CREB5: variants seen among roughly 807,000 people sequenced by gnomAD.
The protein encoded by CREB5 is cyclic AMP-responsive element-binding protein 5.
CREB5 carries 19 observed loss-of-function variants against 57.1 expected under a neutral mutation model. The ratio of observed to expected loss-of-function variants is 0.33; its 90% CI spans 0.23 to 0.49. The LOEUF (loss-of-function observed/expected upper bound fraction) is 0.49. Among genes scored for constraint, CREB5 ranks in the 20% least tolerant of loss-of-function variants. CREB5 has a pLI of 0.99. For synonymous variants in CREB5, 238 were observed against 238.3 expected (o/e 1.00, Z 0.01); for missense variants, 579 against 671.6 (o/e 0.86, Z 1.52).
chr7:28,365,820 G>A (rs1233591316), intron 1 of CREB5, among the ~76,000 whole-genome samples: 11 of 151,992 alleles, frequency 7.2e-5, no homozygotes, highest in African/African-American at 2.4e-4. Context: ...GCTTACTTGT[G>A]TTGTTTTCAA....
chr7:28,587,875 G>A (rs921599484), intron 5 of CREB5, among the ~76,000 whole-genome samples: 1 of 152,092 alleles, frequency 6.6e-6, no homozygotes, highest in African/African-American at 2.4e-5. Flanking sequence ...ATGTCTCCAT[G>A]GGCACAGATT....
intron 1 of CREB5, among the ~76,000 whole-genome samples, chr7:28,371,250 CACAAGGTCA>C (rs1204677637): frequency 6.6e-6 from 1 of 151,874 alleles, no homozygotes; most frequent in Non-Finnish European, 1.5e-5. Context: ...GTGGGAGGAT[CACAAGGTCA>C]AGAGATGGAG....
chr7:28,684,885 T>C (rs6965754), intron 5 of CREB5, among the ~76,000 whole-genome samples: 56,682 of 151,946 alleles, frequency 0.37, 12,208 homozygotes, highest in East Asian at 0.78. Context: ...GGAGAGATGA[T>C]GGGGTTAAAA....
At chr7:28,435,091 CTT>C (rs397702746) in intron 1 of CREB5, among the ~76,000 whole-genome samples, 4 of 132,758 alleles carry the variant, frequency 3.0e-5, no homozygotes, top group Non-Finnish European at 3.2e-5. Flanking sequence ...GGCCACCTGG[CTT>C]TTTTTTTTTT....
chr7:28,540,268 T>A (rs769956441), intron 4 of CREB5, among the ~76,000 whole-genome samples: 1 of 152,242 alleles, frequency 6.6e-6, no homozygotes, highest in Non-Finnish European at 1.5e-5. Flanking sequence ...GTCATCTTGA[T>A]ACTTTGTTTA....
At chr7:28,377,947 A>AAAAAAAAAAAG (rs1562682461) in intron 1 of CREB5, among the ~76,000 whole-genome samples, 1 of 144,774 alleles carries the variant, frequency 6.9e-6, no homozygotes, top group African/African-American at 2.6e-5. Context: ...AAAAAAAAAC[A>AAAAAAAAAAAG]AAAAAGAAAA....
At chr7:28,730,397 T>C (rs1313284763) in intron 7 of CREB5, among the ~76,000 whole-genome samples, 3 of 151,450 alleles carry the variant, frequency 2.0e-5, no homozygotes, top group Middle Eastern at 3.2e-3. Flanking sequence ...TTGCTTAGGC[T>C]CATCTTGGAA....
At chr7:28,467,332 C>T (rs567207109) in intron 1 of CREB5, among the ~76,000 whole-genome samples, 1 of 152,192 alleles carries the variant, frequency 6.6e-6, no homozygotes. Flanking sequence ...CAGAATTACC[C>T]CCGCTTCCTG....
chr7:28,779,331 T>C (rs989509694), intron 7 of CREB5: 1 of 152,206 alleles, frequency 6.6e-6, no homozygotes, highest in Non-Finnish European at 1.5e-5. Flanking sequence ...AGTTTAAAAT[T>C]TAAAGAAAAG....
intron 4 of CREB5, among the ~76,000 whole-genome samples, chr7:28,520,526 A>C (rs1348641572): frequency 6.6e-6 from 1 of 152,118 alleles, no homozygotes; most frequent in Non-Finnish European, 1.5e-5. Context: ...CCCCTTCCCA[A>C]CGGCTGTTTG....
chr7:28,734,317 A>G (rs998747843), intron 7 of CREB5, among the ~76,000 whole-genome samples: 3 of 152,028 alleles, frequency 2.0e-5, no homozygotes, highest in Non-Finnish European at 2.9e-5. Context: ...CCTTCAATAC[A>G]TAGAGGCAAA....
chr7:28,608,157 T>A (rs1053074230), intron 5 of CREB5, among the ~76,000 whole-genome samples: 3 of 148,696 alleles, frequency 2.0e-5, no homozygotes, highest in African/African-American at 5.0e-5. Context: ...ACACACACAC[T>A]CTCAAACTTT....
chr7:28,681,688 C>T (rs1432908002), intron 5 of CREB5, among the ~76,000 whole-genome samples: 3 of 152,188 alleles, frequency 2.0e-5, no homozygotes, highest in Non-Finnish European at 4.4e-5. Context: ...TGCTGGGATA[C>T]AATCTGCTTC....
At chr7:28,389,849 C>T (rs1787180961) in intron 1 of CREB5, among the ~76,000 whole-genome samples, 1 of 152,018 alleles carries the variant, frequency 6.6e-6, no homozygotes, top group Non-Finnish European at 1.5e-5. Context: ...TGAACAATTC[C>T]TCTTCTGGTC....
At chr7:28,704,636 T>G (rs1434473904) in intron 5 of CREB5, among the ~76,000 whole-genome samples, 1 of 152,166 alleles carries the variant, frequency 6.6e-6, no homozygotes, top group East Asian at 1.9e-4. Flanking sequence ...TTTAAATTTT[T>G]TGTTAAGATG....
rs763217498 is a variant in CREB5, at chr7:28,724,336, A to C, written c.702+4A>C. On this transcript the variant is annotated splice_donor_region_variant and intron_variant, in intron 7 of 10. Coordinates refer to ENST00000357727, the MANE Select transcript of CREB5 (RefSeq NM_182898.4). ...AATGCATTCAGAAGCCAAAATGGTA[A>C]GTAACAGTTATAATCACCCTTTCAT... The C allele has an allele frequency of 1.2e-6, 2 of 1,607,686 alleles. No individual in the cohort carries two copies. Among genetic ancestry groups the C allele is most frequent in the Admixed American group, 1.7e-5 (1 of 59,956 alleles).
chr7:28,809,260 G>A lies in CREB5; in HGVS notation c.1100G>A (p.Arg367Gln), dbSNP rs1583796706. 2.5e-6 allele frequency: 4 copies of A among 1,614,050 alleles called. No individual in the cohort carries two copies. Among genetic ancestry groups the A allele is most frequent in the Non-Finnish European group, 2.5e-6 (3 of 1,180,040 alleles). ...CCCCAGCCCACAGGGGGGCGCCGGC[G>A]AAGGGTGGTAGACGAGGATCCGGAC... is the stretch of plus-strand genomic sequence containing the variant. ...QPPQPTGGRR[R>Q]RVVDEDPDER... Residue 367 changes from arginine to glutamine, a missense_variant, in exon 9 of 11, where the codon CGA (arginine) becomes CAA (glutamine). Coordinates refer to ENST00000357727, the MANE Select transcript of CREB5 (RefSeq NM_182898.4).
intron 7 of CREB5, among the ~76,000 whole-genome samples, chr7:28,737,536 T>TAC (rs1804056724): frequency 1.4e-5 from 1 of 72,170 alleles, no homozygotes. Context: ...TGTATATATA[T>TAC]ACGTATATAT....
intron 7 of CREB5, among the ~76,000 whole-genome samples, chr7:28,794,147 G>A (rs1467564683): frequency 6.6e-6 from 1 of 152,136 alleles, no homozygotes; most frequent in East Asian, 1.9e-4. Context: ...CTGTGTTTCT[G>A]ATTAAAAGTT....
Sources: gnomAD v4.1 joint callset for allele counts (sites outside exome capture counted in the v4.1 genomes callset) on GRCh38, gnomAD v4.1.1 for gene constraint, MANE v1.5 for transcripts, NCBI Gene and HGNC (gene_info 2026-07-23, HGNC 2026-07-21) for gene names.